The following DNAH11 variants were observed in gnomAD, a reference collection of about 807,000 sequenced individuals.
DNAH11 encodes the protein dynein axonemal heavy chain 11.
A neutral mutation model predicts 526.0 loss-of-function variants in DNAH11; 442 were observed. The ratio of observed to expected loss-of-function variants is 0.84; its 90% CI spans 0.78 to 0.91. The LOEUF is 0.91. DNAH11 is among the 40% of genes least tolerant of loss of function. The pLI, the probability that DNAH11 is intolerant of heterozygous loss-of-function variation, is 0.00. For synonymous variants in DNAH11, 2,461 were observed against 1,935.9 expected, an observed-to-expected ratio of 1.27 and a Z score of -7.12; for missense variants, 6,989 against 5,448.7, an observed-to-expected ratio of 1.28 and a Z score of -8.90.
chr7:21,694,442 A>G (rs1036725928), intron 35 of DNAH11, among the ~76,000 whole-genome samples: 1 of 152,124 alleles, frequency 6.6e-6, no homozygotes, highest in African/African-American at 2.4e-5. Flanking sequence ...GAGTGAGAAC[A>G]TGTGGTGTTT....
At chr7:21,635,825 TCTA>T (rs1786836448) in intron 25 of DNAH11, 43 bp from the exon 26 acceptor site, 1 of 1,493,462 alleles carries the variant, frequency 6.7e-7, no homozygotes, top group Admixed American at 2.0e-5. Context: ...GCACTCACAT[TCTA>T]CTAAATTTAG....
At chr7:21,705,684 T>C in intron 39 of DNAH11, 147 bp downstream of exon 39, 1 of 722,434 alleles carries the variant, frequency 1.4e-6, no homozygotes, top group Non-Finnish European at 2.3e-6. Context: ...GGAATCTTGC[T>C]GCTTGATCAA....
rs183626805 is a variant in DNAH11, at chr7:21,558,715, G to C, written c.496-87G>C. 23 of 1,029,346 alleles carry C rather than the reference G, an allele frequency of 2.2e-5. No individual in the cohort carries two copies. In the African/African-American group the frequency reaches 2.4e-4, roughly 11 times the overall value. The allele number at this position is 1,029,346 out of a possible 1,614,324, so 63.8% of individuals were successfully genotyped here. ...CATTGGATATTTATGAAATTGGACA[G>C]TTTTGTTGCCAATTTTGTACGACAA... On this transcript the variant is annotated intron_variant, in intron 2 of 81. Transcript: ENST00000409508.
intron 36 of DNAH11, among the ~76,000 whole-genome samples, chr7:21,701,477 G>T (rs967734491): frequency 6.6e-6 from 1 of 151,912 alleles, no homozygotes; most frequent in African/African-American, 2.4e-5. Flanking sequence ...TTTTGCAGGA[G>T]TGGGGTTTCC....
chr7:21,657,288 G>A (rs745804669), intron 29 of DNAH11, among the ~76,000 whole-genome samples: 1 of 152,120 alleles, frequency 6.6e-6, no homozygotes, highest in Non-Finnish European at 1.5e-5. Flanking sequence ...TCAGGCTTTG[G>A]GGAGTTCCGA....
chr7:21,684,820 C>G (rs139130994), intron 32 of DNAH11, among the ~76,000 whole-genome samples: 2 of 152,240 alleles, frequency 1.3e-5, no homozygotes, highest in Non-Finnish European at 2.9e-5. Context: ...GTCACATTGA[C>G]GGGAATTTCT....
chr7:21,822,930 T>C (rs1790114529), intron 65 of DNAH11, among the ~76,000 whole-genome samples: 1 of 150,662 alleles, frequency 6.6e-6, no homozygotes. Context: ...CTCAGGTATT[T>C]TACCCATTTT....
intron 63 of DNAH11, among the ~76,000 whole-genome samples, chr7:21,814,611 C>T (rs887523374): frequency 4.1e-5 from 6 of 147,130 alleles, no homozygotes; most frequent in Non-Finnish European, 7.4e-5. Context: ...TGAGAATATG[C>T]GGTGTTTGGT....
At chr7:21,781,681 A>T (rs1006759966) in intron 57 of DNAH11, among the ~76,000 whole-genome samples, 1 of 152,148 alleles carries the variant, frequency 6.6e-6, no homozygotes, top group East Asian at 1.9e-4. Context: ...GTTTTAGAGG[A>T]TCATAAGGAA....
At chr7:21,738,897 C>A (rs528843072) in intron 47 of DNAH11, 31 bp downstream of exon 47, 26 of 1,486,950 alleles carry the variant, frequency 1.7e-5, no homozygotes, top group Admixed American at 4.8e-5. Flanking sequence ...TACTCTCTCC[C>A]AAAATCTAAT....
In DNAH11 at chr7:21,748,608, C is replaced by G; in HGVS notation, c.8539C>G (p.Pro2847Ala). The change falls in exon 52 of 82, where the codon CCT (proline) becomes GCT (alanine). Residue 2847 changes from proline (P) to alanine (A), a missense_variant. Physicochemically the swap from Pro to Ala is conservative, Grantham distance 27. Transcript: ENST00000409508. ...VCRISRILRT[P>A]QGCALLVGVG... ...TCGCATCAGCCGGATCTTACGAACC[C>G]CTCAGGGCTGTGCTCTCTTGGTTGG... 8 of 1,607,216 alleles carry G rather than the reference C, an allele frequency of 5.0e-6. No individual in the cohort carries two copies. The highest frequency in any genetic ancestry group is 6.8e-6 in the Non-Finnish European group (8 of 1,176,376).
intron 31 of DNAH11, among the ~76,000 whole-genome samples, chr7:21,682,474 C>T (rs1328880739): frequency 2.8e-5 from 4 of 143,384 alleles, no homozygotes; most frequent in East Asian, 2.0e-4. Flanking sequence ...TGCAGTGAGC[C>T]GAGATGGCGC....
At position 21,547,153 on chromosome 7, in the gene DNAH11, C is replaced by T. The variant is rs188549543; in HGVS notation, c.495+2004C>T. On this transcript the variant is annotated intron_variant, in intron 2 of 81. Coordinates refer to ENST00000409508, the MANE Select transcript of DNAH11 (RefSeq NM_001277115.2). ...TAAAATTTATTGTAATTAATAAGTACATCCCAGGTCTATTTGTTTTAAACG... is the reference window on the plus strand; with the variant it reads ...TAAAATTTATTGTAATTAATAAGTATATCCCAGGTCTATTTGTTTTAAACG... Among the ~76,000 whole-genome samples, 50 of 152,284 alleles carry T rather than the reference C, an allele frequency of 3.3e-4. 1 individual carries two copies. The highest frequency in any genetic ancestry group is 6.3e-4 in the African/African-American group (26 of 41,556).
At chr7:21,860,135 C>T (rs571853532) in intron 68 of DNAH11, among the ~76,000 whole-genome samples, 4 of 152,044 alleles carry the variant, frequency 2.6e-5, no homozygotes, top group East Asian at 1.9e-4. Flanking sequence ...GTCACTCCAC[C>T]GCACTCCAGG....
chr7:21,899,481 C>T (rs764735023), intron 80 of DNAH11, 33 bp downstream of exon 80: 1 of 1,512,184 alleles, frequency 6.6e-7, no homozygotes, highest in Non-Finnish European at 9.1e-7. Flanking sequence ...CCCTGATGCA[C>T]ACAGGACCAC....
chr7:21,617,249 G>A (rs752560240), intron 22 of DNAH11, among the ~76,000 whole-genome samples: 37 of 152,202 alleles, frequency 2.4e-4, no homozygotes, highest in Non-Finnish European at 4.3e-4. Context: ...AATGAGTCAT[G>A]TATTCCGAAG....
chr7:21,675,604 G>A (rs968386567), intron 30 of DNAH11, among the ~76,000 whole-genome samples: 13 of 152,200 alleles, frequency 8.5e-5, no homozygotes, highest in South Asian at 4.1e-4. Context: ...CATCTTGTAT[G>A]AGTGAGTGAA....
intron 65 of DNAH11, among the ~76,000 whole-genome samples, chr7:21,821,497 C>T (rs949219898): frequency 1.3e-5 from 2 of 152,104 alleles, no homozygotes; most frequent in African/African-American, 4.8e-5. Flanking sequence ...TAATTAACGT[C>T]CTCTTGCATA....
intron 80 of DNAH11, 92 bp downstream of exon 80, chr7:21,899,540 C>A (rs2128051943): frequency 1.0e-6 from 1 of 958,934 alleles, no homozygotes; most frequent in Non-Finnish European, 1.6e-6. Flanking sequence ...CGTCTCCTTG[C>A]CCTGCTCACC....
Sources: allele counts gnomAD v4.1 joint callset (sites outside exome capture counted in the v4.1 genomes callset), GRCh38; gene constraint gnomAD v4.1.1; transcripts MANE v1.5; gene names NCBI Gene and HGNC (gene_info 2026-07-23, HGNC 2026-07-21).